FMN1: variants seen among roughly 807,000 people sequenced by gnomAD.
The protein encoded by FMN1 is formin-1.
FMN1 carries 110 observed loss-of-function variants against 132.4 expected under a neutral mutation model. The observed-to-expected ratio is 0.83, with a 90% CI of 0.71 to 0.97. The LOEUF is 0.97. FMN1 is among the 50% of genes least tolerant of loss of function. FMN1 has a pLI of 0.00. For missense variants in FMN1, 1,792 were observed against 1,705.3 expected, an observed-to-expected ratio of 1.05 and a Z score of -0.90; for synonymous variants, 722 against 651.7, an observed-to-expected ratio of 1.11 and a Z score of -1.64.
intron 4 of FMN1, among the ~76,000 whole-genome samples, chr15:33,124,739 T>C (rs1248495106): frequency 1.3e-5 from 2 of 152,152 alleles, no homozygotes; most frequent in African/African-American, 4.8e-5. Context: ...ATCTCACAAA[T>C]CAGACACTAA....
intron 4 of FMN1, among the ~76,000 whole-genome samples, chr15:33,115,512 A>G (rs1039173907): frequency 1.4e-5 from 2 of 140,076 alleles, no homozygotes; most frequent in South Asian, 2.2e-4. Context: ...CCACACACAC[A>G]CGCACACACA....
chr15:32,983,829 C>A (rs1222310618), intron 7 of FMN1, among the ~76,000 whole-genome samples: 1 of 152,168 alleles, frequency 6.6e-6, no homozygotes. Context: ...TATGACCCAT[C>A]TTTTAGAGGT....
At chr15:32,807,871 G>C (rs1453420488) in intron 17 of FMN1, among the ~76,000 whole-genome samples, 4 of 152,136 alleles carry the variant, frequency 2.6e-5, no homozygotes, top group African/African-American at 4.8e-5. Context: ...GATACAAAAG[G>C]CATCTACCTT....
chr15:33,123,632 C>T (rs1373127348), intron 4 of FMN1, among the ~76,000 whole-genome samples: 1 of 152,172 alleles, frequency 6.6e-6, no homozygotes, highest in Non-Finnish European at 1.5e-5. Context: ...GTTGATCAAA[C>T]AGCTAGCTAT....
chr15:33,013,670 C>T (rs1198857657), intron 6 of FMN1, among the ~76,000 whole-genome samples: 1 of 152,128 alleles, frequency 6.6e-6, no homozygotes, highest in East Asian at 1.9e-4. Flanking sequence ...CAAAACAGAA[C>T]ATCTGAATTC....
chr15:33,162,036 G>A (rs1306434369), intron 3 of FMN1, among the ~76,000 whole-genome samples: 1 of 151,934 alleles, frequency 6.6e-6, no homozygotes, highest in Non-Finnish European at 1.5e-5. Flanking sequence ...TTCTGAGATA[G>A]GGTCTCGCTC....
chr15:33,030,061 G>A (rs2035864141), intron 6 of FMN1, among the ~76,000 whole-genome samples: 1 of 152,210 alleles, frequency 6.6e-6, no homozygotes. Flanking sequence ...GGGAGGCCGA[G>A]GCAGGAGAAT....
intron 19 of FMN1, among the ~76,000 whole-genome samples, chr15:32,791,256 TAA>T (rs34636398): frequency 2.5e-4 from 36 of 141,624 alleles, no homozygotes; most frequent in Non-Finnish European, 2.4e-4. Context: ...AGCTTTAGTG[TAA>T]AAAAAAAAAA....
chr15:33,023,991 G>C (rs1239973416), intron 6 of FMN1, among the ~76,000 whole-genome samples: 1 of 151,980 alleles, frequency 6.6e-6, no homozygotes, highest in Non-Finnish European at 1.5e-5. Flanking sequence ...AAATGGAGAA[G>C]ACATTTGCAA....
intron 6 of FMN1, among the ~76,000 whole-genome samples, chr15:33,035,692 A>G (rs2036158558): frequency 6.6e-6 from 1 of 152,172 alleles, no homozygotes. Flanking sequence ...AATCCCCTGC[A>G]GCCTCTTTTC....
intron 3 of FMN1, among the ~76,000 whole-genome samples, chr15:33,175,044 T>TAA (rs1555412342): frequency 6.6e-6 from 1 of 151,724 alleles, no homozygotes; most frequent in Non-Finnish European, 1.5e-5. Context: ...TTTTTTTTTT[T>TAA]TAGACAGGGT....
At chr15:32,822,178 G>A (rs1252153028) in intron 17 of FMN1, among the ~76,000 whole-genome samples, 5 of 151,908 alleles carry the variant, frequency 3.3e-5, no homozygotes, top group Admixed American at 2.6e-4. Flanking sequence ...GTGAAACCCC[G>A]CCTCTACTAA....
At chr15:32,888,330 C>A (rs764227238) in intron 15 of FMN1, 38 bp from the exon 16 acceptor site, 23 of 1,510,386 alleles carry the variant, frequency 1.5e-5, no homozygotes, top group Admixed American at 2.2e-5. Context: ...TTATACTTCC[C>A]AATTGTCACT....
chr15:33,160,102 C>T (rs949407885), intron 3 of FMN1, among the ~76,000 whole-genome samples: 10 of 152,038 alleles, frequency 6.6e-5, no homozygotes, highest in African/African-American at 1.9e-4. Flanking sequence ...GAAAGTGACC[C>T]ATAAAGTTGT....
chr15:32,916,037 C>G (rs536201869), intron 10 of FMN1, among the ~76,000 whole-genome samples: 3 of 152,280 alleles, frequency 2.0e-5, no homozygotes, highest in African/African-American at 7.2e-5. Flanking sequence ...CTCTGTACCA[C>G]AAGAATTATA....
At chr15:32,994,445 C>A (rs1055748587) in intron 7 of FMN1, among the ~76,000 whole-genome samples, 1 of 152,168 alleles carries the variant, frequency 6.6e-6, no homozygotes, top group Non-Finnish European at 1.5e-5. Context: ...ACTCTTCAAA[C>A]CTCTGCTTAA....
chr15:33,168,686 G>A (rs1346121570), intron 3 of FMN1, among the ~76,000 whole-genome samples: 1 of 152,228 alleles, frequency 6.6e-6, no homozygotes, highest in African/African-American at 2.4e-5. Context: ...TTTGTGATTA[G>A]GAGGTTGGCT....
At chr15:33,012,010 T>C (rs575797635) in intron 6 of FMN1, 1 of 253,398 alleles carries the variant, frequency 3.9e-6, no homozygotes, top group African/African-American at 2.2e-5. Context: ...AATGCTTTCT[T>C]AACCAACAAT....
chr15:33,166,159 A>G (rs973608916), intron 3 of FMN1, among the ~76,000 whole-genome samples: 3 of 152,158 alleles, frequency 2.0e-5, no homozygotes, highest in Non-Finnish European at 2.9e-5. Context: ...GGTTATTGTC[A>G]CTGTATACCC....
Sources: allele counts gnomAD v4.1 joint callset (sites outside exome capture counted in the v4.1 genomes callset), GRCh38; gene constraint gnomAD v4.1.1; transcripts MANE v1.5; gene names NCBI Gene and HGNC (gene_info 2026-07-23, HGNC 2026-07-21).